The following MYT1L variants were observed in gnomAD, a reference collection of about 807,000 sequenced individuals.
The protein encoded by MYT1L is myelin transcription factor 1-like protein.
In MYT1L, 12 loss-of-function variants were observed where a neutral mutation model predicts 126.7. The observed-to-expected ratio is 0.09, with a 90% confidence interval of 0.06 to 0.15. The LOEUF (loss-of-function observed/expected upper bound fraction) is 0.15, where lower values mean the gene tolerates loss of function less well. Ranked by LOEUF, MYT1L falls within the 10% of genes least tolerant of loss-of-function variation. MYT1L has a pLI of 1.00. For synonymous variants in MYT1L, 541 were observed against 604.2 expected, an observed-to-expected ratio of 0.90 and a Z score of 1.53; for missense variants, 979 against 1,585.2, an observed-to-expected ratio of 0.62 and a Z score of 6.49.
intron 2 of MYT1L, among the ~76,000 whole-genome samples, chr2:2,264,723 G>T (rs1030087077): frequency 2.0e-5 from 3 of 152,268 alleles, no homozygotes; most frequent in Middle Eastern, 3.4e-3. Flanking sequence ...AACGTCAGTG[G>T]AAGGTCAGTG....
At chr2:2,298,887 T>C (rs1424880657) in intron 1 of MYT1L, among the ~76,000 whole-genome samples, 2 of 152,204 alleles carry the variant, frequency 1.3e-5, no homozygotes, top group Non-Finnish European at 2.9e-5. Flanking sequence ...AGTGTCTCGC[T>C]GTGTCCCCAG....
intron 1 of MYT1L, chr2:2,324,005 A>G (rs1396956914): frequency 1.3e-5 from 2 of 152,310 alleles, no homozygotes; most frequent in South Asian, 4.1e-4. Flanking sequence ...CTAAACAGTT[A>G]ATTTCCACTT....
intron 3 of MYT1L, among the ~76,000 whole-genome samples, chr2:2,126,250 G>T (rs2081673568): frequency 6.6e-6 from 1 of 152,158 alleles, no homozygotes; most frequent in Non-Finnish European, 1.5e-5. Flanking sequence ...TTAGAGATGG[G>T]ATGTCCATGC....
At chr2:1,970,163 C>T (rs1254674429) in intron 8 of MYT1L, among the ~76,000 whole-genome samples, 4 of 152,158 alleles carry the variant, frequency 2.6e-5, no homozygotes, top group African/African-American at 4.8e-5. Flanking sequence ...GAAGAAACAT[C>T]CACTTCCCAG....
At chr2:2,176,444 T>C (rs2090784619) in intron 2 of MYT1L, among the ~76,000 whole-genome samples, 1 of 152,130 alleles carries the variant, frequency 6.6e-6, no homozygotes, top group Non-Finnish European at 1.5e-5. Context: ...ACACGGACAT[T>C]CCCATCTCAG....
intron 18 of MYT1L, among the ~76,000 whole-genome samples, chr2:1,858,425 A>G (rs879448361): frequency 6.6e-6 from 1 of 152,206 alleles, no homozygotes; most frequent in Admixed American, 6.5e-5. Flanking sequence ...TCAGAGAAAA[A>G]TGATAAAAAA....
intron 4 of MYT1L, among the ~76,000 whole-genome samples, chr2:2,048,797 G>A (rs533851059): frequency 2.0e-5 from 3 of 152,230 alleles, no homozygotes; most frequent in South Asian, 2.1e-4. Context: ...ATTGTCCTCA[G>A]TTAGGAGGAA....
intron 2 of MYT1L, among the ~76,000 whole-genome samples, chr2:2,255,834 C>A (rs2094794948): frequency 6.6e-6 from 1 of 152,140 alleles, no homozygotes; most frequent in Non-Finnish European, 1.5e-5. Context: ...CGGATATTGT[C>A]TTTCATCTGG....
chr2:1,864,122 G>A (rs1330701661), intron 18 of MYT1L, among the ~76,000 whole-genome samples: 2 of 152,212 alleles, frequency 1.3e-5, no homozygotes, highest in Non-Finnish European at 2.9e-5. Context: ...AGGCCGGGCT[G>A]TGCCTTCCCT....
intron 4 of MYT1L, among the ~76,000 whole-genome samples, chr2:2,032,915 G>T (rs797022117): frequency 1.4e-5 from 2 of 146,396 alleles, no homozygotes; most frequent in African/African-American, 5.1e-5. Flanking sequence ...TCTAGAAGGA[G>T]GGCCTTATAC....
chr2:2,188,489 T>C (rs576721804), intron 2 of MYT1L, among the ~76,000 whole-genome samples: 1 of 152,268 alleles, frequency 6.6e-6, no homozygotes, highest in Non-Finnish European at 1.5e-5. Context: ...TAATGCCAAA[T>C]TATGTCATTT....
intron 2 of MYT1L, among the ~76,000 whole-genome samples, chr2:2,264,216 C>T (rs558666387): frequency 3.3e-4 from 50 of 152,256 alleles, no homozygotes; most frequent in African/African-American, 1.1e-3. Context: ...CTATCTCATG[C>T]AAGTCTGACT....
intron 4 of MYT1L, among the ~76,000 whole-genome samples, chr2:2,003,685 C>T (rs1186258950): frequency 2.6e-5 from 4 of 152,280 alleles, no homozygotes; most frequent in African/African-American, 7.2e-5. Context: ...TGAGGTAAGA[C>T]AGCACCCTGG....
intron 3 of MYT1L, among the ~76,000 whole-genome samples, chr2:2,098,194 C>A (rs2077657405): frequency 6.6e-6 from 1 of 151,124 alleles, no homozygotes; most frequent in Non-Finnish European, 1.5e-5. Flanking sequence ...CAGTGTAGAT[C>A]ATACTGCAGC....
chr2:2,083,603 A>G (rs1464664746), intron 3 of MYT1L, among the ~76,000 whole-genome samples: 1 of 152,352 alleles, frequency 6.6e-6, no homozygotes, highest in African/African-American at 2.4e-5. Flanking sequence ...AGAATCTGGA[A>G]TCGTACAATT....
intron 2 of MYT1L, among the ~76,000 whole-genome samples, chr2:2,175,684 G>A (rs558666239): frequency 2.0e-5 from 3 of 152,328 alleles, no homozygotes; most frequent in Admixed American, 6.5e-5. Context: ...TACTTTCCTG[G>A]ACCCTTGCCT....
chr2:2,092,627 G>T (rs760990217), intron 3 of MYT1L, among the ~76,000 whole-genome samples: 15 of 152,200 alleles, frequency 9.9e-5, no homozygotes, highest in Non-Finnish European at 1.9e-4. Flanking sequence ...ACAGTAAAGG[G>T]AAGTGCAATG....
Position 1,917,299 on chromosome 2 carries a change from G to C in MYT1L, c.1524C>G (p.Thr508=). The C allele has an allele frequency of 6.2e-7, 1 of 1,612,944 alleles. No homozygotes were observed. The highest frequency in any genetic ancestry group is 8.5e-7 in the Non-Finnish European group (1 of 1,179,088). ...CGTGGCCGGTTCCATCACACCCGGGGGTTGGACACTTGCTCTCTTTCTTTT... is the reference window on the plus strand; with the variant it reads ...CGTGGCCGGTTCCATCACACCCGGGCGTTGGACACTTGCTCTCTTTCTTTT... The part of the protein sequence containing the change: ...RTEKKESKCP[T]PGCDGTGHVT... The change falls in exon 11 of 25, where the codon ACC becomes ACG. Residue 508 remains threonine (T), a synonymous_variant. Coordinates refer to ENST00000647738, the MANE Select transcript of MYT1L (RefSeq NM_001303052.2). This position sits in a 1 kb window ranked among gnomAD's most constrained non-coding sequence, Gnocchi z 5.9.
Position 1,979,462 on chromosome 2 carries a change from A to T in MYT1L, c.89+59T>A. The T allele has an allele frequency of 6.6e-7, 1 of 1,517,880 alleles. No homozygotes were observed. Among genetic ancestry groups the T allele is most frequent in the Non-Finnish European group, 9.2e-7 (1 of 1,092,400 alleles). The allele number at this position is 1,517,880 out of a possible 1,614,324, so 94.0% of individuals were successfully genotyped here. The stretch of plus-strand genomic sequence containing the variant: ...AGCTGGAAGGTGCAGTGTGCCCATT[A>T]GAAGGCGTGAATTTTCCAAACTGTT... On this transcript the variant is annotated intron_variant, in intron 7 of 24. Transcript: ENST00000647738. This position sits in a 1 kb window ranked among gnomAD's most constrained non-coding sequence, Gnocchi z 4.0.
Sources: allele counts gnomAD v4.1 joint callset (sites outside exome capture counted in the v4.1 genomes callset), GRCh38; gene constraint gnomAD v4.1.1; non-coding constraint Gnocchi (gnomAD v3.1); transcripts MANE v1.5; gene names NCBI Gene and HGNC (gene_info 2026-07-23, HGNC 2026-07-21).